Variants in TM9SF3 observed in about 807,000 individuals in gnomAD.
TM9SF3 encodes the protein transmembrane 9 superfamily member 3.
In TM9SF3, 14 loss-of-function variants were observed where a neutral mutation model predicts 78.6. The ratio of observed to expected loss-of-function variants is 0.18; its 90% CI spans 0.12 to 0.28. TM9SF3 has a LOEUF of 0.28. TM9SF3 is among the 10% of genes least tolerant of loss of function. The pLI, the probability that TM9SF3 is intolerant of heterozygous loss-of-function variation, is 1.00. For synonymous variants in TM9SF3, 231 were observed against 241.7 expected (o/e 0.96, Z 0.41); for missense variants, 496 against 721.9 (o/e 0.69, Z 3.59).
At chr10:96,532,626 G>C (rs1184870217) in intron 10 of TM9SF3, among the ~76,000 whole-genome samples, 1 of 152,150 alleles carries the variant, frequency 6.6e-6, no homozygotes, top group Non-Finnish European at 1.5e-5. Flanking sequence ...GCATGTGATA[G>C]TATCTCTGAC....
intron 6 of TM9SF3, among the ~76,000 whole-genome samples, chr10:96,552,085 A>G (rs1848177278): frequency 6.6e-6 from 1 of 152,204 alleles, no homozygotes. Flanking sequence ...GATACAGTTA[A>G]GAGGTACCAA....
At chr10:96,565,928 T>C (rs750506346) in intron 2 of TM9SF3, among the ~76,000 whole-genome samples, 40 of 152,158 alleles carry the variant, frequency 2.6e-4, no homozygotes, top group Non-Finnish European at 4.1e-4. Context: ...TGACTATTCA[T>C]AAGCAGGAAG....
intron 9 of TM9SF3, among the ~76,000 whole-genome samples, chr10:96,533,549 A>G (rs186519319): frequency 5.3e-5 from 8 of 152,240 alleles, no homozygotes; most frequent in Admixed American, 2.6e-4. Flanking sequence ...TTATCTGGCT[A>G]TGCTTTTTGA....
intron 3 of TM9SF3, 78 bp from the exon 4 acceptor site, chr10:96,562,216 GTTTT>G (rs34868868): frequency 3.9e-3 from 2,179 of 557,170 alleles, no homozygotes; most frequent in Middle Eastern, 6.7e-3. Context: ...TGCTCATTAA[GTTTT>G]TTTTTTTTTT....
Position 96,547,973 on chromosome 10 carries a change from T to C in TM9SF3, c.976A>G (p.Ser326Gly). 4 of 1,603,620 alleles carry C rather than the reference T, an allele frequency of 2.5e-6. No individual in the cohort carries two copies. Among genetic ancestry groups the C allele is most frequent in the Non-Finnish European group, 3.4e-6 (4 of 1,176,334 alleles). ...DLYTERGSML[S>G]TAIFVYAATS... ...GCAGCATAGACAAATATGGCTGTAC[T>C]GAGCATTGATCCCCTCCTAAAAAGG... is the stretch of plus-strand genomic sequence containing the variant. The change falls in exon 8 of 15, where the codon AGT becomes GGT. Residue 326 changes from serine to glycine, a missense_variant. Coordinates refer to ENST00000371142, the MANE Select transcript of TM9SF3 (RefSeq NM_020123.4).
chr10:96,538,818 G>C (rs7093849), intron 9 of TM9SF3, among the ~76,000 whole-genome samples: 134,198 of 152,230 alleles, frequency 0.88, 59,234 homozygotes, highest in East Asian at 0.99. Context: ...CCGAAAGACA[G>C]CACTATATAC....
At chr10:96,562,219 T>G (rs955466083) in intron 3 of TM9SF3, 81 bp from the exon 4 acceptor site, 14 of 720,466 alleles carry the variant, frequency 1.9e-5, no homozygotes, top group South Asian at 2.6e-5. Flanking sequence ...TCATTAAGTT[T>G]TTTTTTTTTT....
intron 9 of TM9SF3, among the ~76,000 whole-genome samples, chr10:96,535,143 T>A (rs1052956301): frequency 1.3e-5 from 2 of 152,212 alleles, no homozygotes; most frequent in African/African-American, 4.8e-5. Flanking sequence ...CAAAAAGACA[T>A]TATCAATTGC....
chr10:96,562,845 C>T (rs1848325337), intron 3 of TM9SF3, among the ~76,000 whole-genome samples: 1 of 152,190 alleles, frequency 6.6e-6, no homozygotes, highest in African/African-American at 2.4e-5. Flanking sequence ...CCTCAGACTG[C>T]CAGCTATTTG....
chr10:96,560,823 T>C, intron 4 of TM9SF3: 1 of 542,578 alleles, frequency 1.8e-6, no homozygotes, highest in Non-Finnish European at 3.6e-6. Flanking sequence ...AGGACAAAAA[T>C]CCTTCAAAAA....
chr10:96,536,135 G>A lies in TM9SF3; in HGVS notation c.1186-2945C>T, dbSNP rs74151375. 5.8e-3 allele frequency among the ~76,000 whole-genome samples: 885 copies of A among 152,062 alleles called. 13 individuals carry two copies. Among genetic ancestry groups the A allele is most frequent in the African/African-American group, 0.02 (850 of 41,508 alleles). ...AAAATTAAAAGAAAAAAAACTTGCA[G>A]CGAACTACAAATAGAAGGGAACTTT... On this transcript the variant is annotated intron_variant, in intron 9 of 14. Coordinates refer to ENST00000371142, the MANE Select transcript of TM9SF3 (RefSeq NM_020123.4).
chr10:96,583,642 T>G (rs1233431114), intron 1 of TM9SF3, among the ~76,000 whole-genome samples: 1 of 152,182 alleles, frequency 6.6e-6, no homozygotes, highest in Non-Finnish European at 1.5e-5. Flanking sequence ...GCAGGTGACC[T>G]CACCTCTCTA....
intron 9 of TM9SF3, among the ~76,000 whole-genome samples, chr10:96,538,463 G>C (rs946110187): frequency 6.6e-6 from 1 of 152,104 alleles, no homozygotes; most frequent in Non-Finnish European, 1.5e-5. Context: ...GCTTAGTGAT[G>C]TCTGGTTTGG....
chr10:96,539,565 C>A (rs1326163307), intron 9 of TM9SF3, among the ~76,000 whole-genome samples: 1 of 152,068 alleles, frequency 6.6e-6, no homozygotes, highest in Non-Finnish European at 1.5e-5. Flanking sequence ...TAAAGGTATA[C>A]AACAAAACTT....
intron 6 of TM9SF3, 100 bp downstream of exon 6, chr10:96,552,828 T>G: frequency 8.3e-7 from 1 of 1,202,764 alleles, no homozygotes; most frequent in Non-Finnish European, 1.1e-6. Context: ...TTGTGGAAAC[T>G]CAAAGACTTC....
Position 96,586,860 on chromosome 10 carries a change from C to G in TM9SF3, c.-25G>C, listed in dbSNP as rs1398306357. 2.5e-6 allele frequency: 3 copies of G among 1,194,666 alleles called. No individual in the cohort carries two copies. Among genetic ancestry groups the G allele is most frequent in the Non-Finnish European group, 3.1e-6 (3 of 966,910 alleles). 74.0% of individuals were successfully genotyped at this position (1,194,666 alleles called of 1,614,324 possible). On this transcript the variant is annotated 5_prime_UTR_variant, in exon 1 of 15. Coordinates refer to ENST00000371142, the MANE Select transcript of TM9SF3 (RefSeq NM_020123.4). The stretch of plus-strand genomic sequence containing the variant: ...TCCTCCGCGCCCCTCCGGCCCGGAG[C>G]CGGCTCACCGACTCCTCCTCCCGCC...
intron 9 of TM9SF3, among the ~76,000 whole-genome samples, chr10:96,540,650 CCCACA>C (rs540962964): frequency 1.4e-3 from 215 of 151,450 alleles, no homozygotes; most frequent in Non-Finnish European, 2.6e-3. Context: ...CATCACTGAT[CCCACA>C]CAATGAGTCT....
At chr10:96,574,507 C>G (rs909532537) in intron 2 of TM9SF3, among the ~76,000 whole-genome samples, 2 of 152,188 alleles carry the variant, frequency 1.3e-5, no homozygotes, top group African/African-American at 4.8e-5. Context: ...TTGTGGAAGA[C>G]AGTGTGGCAA....
At chr10:96,577,592 T>C (rs57078529) in intron 1 of TM9SF3, 2 of 152,324 alleles carry the variant, frequency 1.3e-5, no homozygotes, top group East Asian at 1.9e-4. Context: ...AATGATTCTA[T>C]GGAAACTGAT....
Sources: gnomAD v4.1 joint callset for allele counts (sites outside exome capture counted in the v4.1 genomes callset) on GRCh38, gnomAD v4.1.1 for gene constraint, MANE v1.5 for transcripts, NCBI Gene and HGNC (gene_info 2026-07-23, HGNC 2026-07-21) for gene names.